RBPMS: variants seen among roughly 807,000 people sequenced by gnomAD.
RBPMS encodes the protein RNA binding protein, mRNA processing factor.
Under a neutral mutation model 26.8 loss-of-function variants are expected in RBPMS, and 7 were observed. The ratio of observed to expected loss-of-function variants is 0.26; its 90% CI spans 0.15 to 0.49. The LOEUF is 0.49. Among genes scored for constraint, RBPMS ranks in the 20% least tolerant of loss-of-function variants. The pLI, the probability that RBPMS is intolerant of heterozygous loss-of-function variation, is 0.98. For synonymous variants in RBPMS, 96 were observed against 93.3 expected (o/e 1.03, Z -0.17); for missense variants, 186 against 250.0 (o/e 0.74, Z 1.73).
chr8:30,513,481 C>T (rs543550945), intron 5 of RBPMS, among the ~76,000 whole-genome samples: 11 of 148,634 alleles, frequency 7.4e-5, no homozygotes, highest in Non-Finnish European at 1.2e-4. Context: ...CCCAGCTACT[C>T]GGGAGGCTGA....
intron 4 of RBPMS, 28 bp downstream of exon 4, chr8:30,479,405 G>T (rs924850063): frequency 6.5e-6 from 10 of 1,526,722 alleles, no homozygotes; most frequent in Non-Finnish European, 8.1e-6. Context: ...AATTGTAGGG[G>T]GTTTCCATAT....
chr8:30,536,044 A>G (rs190592018), intron 5 of RBPMS, among the ~76,000 whole-genome samples: 1 of 152,066 alleles, frequency 6.6e-6, no homozygotes, highest in African/African-American at 2.4e-5. Context: ...GCGCTATGCT[A>G]GGTACTGGAG....
rs533160609 is a variant in RBPMS at position 30,478,720 on chromosome 8, G to A, written c.184-595G>A. Among the ~76,000 whole-genome samples, 262 of 152,226 alleles carry A rather than the reference G, an allele frequency of 1.7e-3. 1 individual carries two copies. The highest frequency in any genetic ancestry group is 2.4e-3 in the Non-Finnish European group (165 of 67,998). On this transcript the variant is annotated intron_variant, in intron 3 of 8. Coordinates refer to ENST00000397323, the MANE Select transcript of RBPMS (RefSeq NM_001008710.3). ...TCACCATGTTGGCCAGGATGGTCTT[G>A]ATCTCTTGACCTCGTGATCCGCCCA...
chr8:30,456,631 T>C lies in RBPMS; in HGVS notation c.67-18148T>C, dbSNP rs553379747. On this transcript the variant is annotated intron_variant, in intron 1 of 8. Coordinates refer to ENST00000397323, the MANE Select transcript of RBPMS (RefSeq NM_001008710.3). The stretch of plus-strand genomic sequence containing the variant: ...TTCACTGGGATCGGAACAAATTACC[T>C]GTAATTAACAATAGCTTAGATGTGG... Among the ~76,000 whole-genome samples the C allele has an allele frequency of 5.9e-4, 90 of 152,256 alleles. 1 individual carries two copies. Among genetic ancestry groups the C allele is most frequent in the Non-Finnish European group, 1.0e-3 (71 of 67,964 alleles).
At chr8:30,434,226 A>C (rs1812216475) in intron 1 of RBPMS, among the ~76,000 whole-genome samples, 1 of 152,184 alleles carries the variant, frequency 6.6e-6, no homozygotes, top group African/African-American at 2.4e-5. Context: ...GTCTCTAAGC[A>C]ACCTTCAAAC....
In RBPMS at chr8:30,447,724, T is replaced by C. The variant is rs565163769; in HGVS notation, c.67-27055T>C. 2.1e-4 allele frequency among the ~76,000 whole-genome samples: 32 copies of C among 152,334 alleles called. 1 individual carries two copies. The South Asian group carries it at 6.4e-3, about 31-fold the overall frequency. ...TTCAACTTTCATTGAAATAAATATT[T>C]TCAGAACTTTATTGTGTCTATACAA... On this transcript the variant is annotated intron_variant, in intron 1 of 8. Transcript: ENST00000397323.
intron 5 of RBPMS, among the ~76,000 whole-genome samples, chr8:30,518,003 G>A (rs576871478): frequency 1.1e-4 from 17 of 152,292 alleles, no homozygotes; most frequent in African/African-American, 4.1e-4. Context: ...AGCAGCACTG[G>A]GCAGGGATAT....
At chr8:30,417,367 CAGATA>C (rs1366011599) in intron 1 of RBPMS, among the ~76,000 whole-genome samples, 10 of 152,268 alleles carry the variant, frequency 6.6e-5, no homozygotes, top group African/African-American at 2.2e-4. Flanking sequence ...TACTTAGTCC[CAGATA>C]ACTGATTATC....
intron 5 of RBPMS, among the ~76,000 whole-genome samples, chr8:30,539,740 C>G (rs1485851572): frequency 6.6e-6 from 1 of 151,932 alleles, no homozygotes; most frequent in Non-Finnish European, 1.5e-5. Context: ...ATTCTTGTGC[C>G]TCAGCCTCCC....
At chr8:30,413,812 C>G (rs1809734508) in intron 1 of RBPMS, among the ~76,000 whole-genome samples, 1 of 152,102 alleles carries the variant, frequency 6.6e-6, no homozygotes, top group South Asian at 2.1e-4. Context: ...TGGGTTTCAT[C>G]ATGTTGGCCA....
chr8:30,472,227 A>G (rs538609261), intron 1 of RBPMS, among the ~76,000 whole-genome samples: 1 of 152,358 alleles, frequency 6.6e-6, no homozygotes, highest in East Asian at 1.9e-4. Flanking sequence ...ATAAAAAGGA[A>G]TAGACTGTTG....
At chr8:30,456,112 T>C (rs1227578820) in intron 1 of RBPMS, among the ~76,000 whole-genome samples, 1 of 152,162 alleles carries the variant, frequency 6.6e-6, no homozygotes, top group Non-Finnish European at 1.5e-5. Flanking sequence ...GTGTGTGTTT[T>C]TTAATGCATT....
At chr8:30,395,276 G>A (rs1029841932) in intron 1 of RBPMS, among the ~76,000 whole-genome samples, 2 of 15,790 alleles carry the variant, frequency 1.3e-4, no homozygotes, top group African/African-American at 9.6e-4. Context: ...TTCGAGACCA[G>A]CCTGAGCAAC....
At chr8:30,521,437 T>C (rs549519441) in intron 5 of RBPMS, among the ~76,000 whole-genome samples, 1 of 152,204 alleles carries the variant, frequency 6.6e-6, no homozygotes, top group Non-Finnish European at 1.5e-5. Flanking sequence ...TTGAATTTAG[T>C]TGACTTTTTC....
intron 6 of RBPMS, among the ~76,000 whole-genome samples, chr8:30,549,040 C>T (rs1826082954): frequency 6.6e-6 from 1 of 152,218 alleles, no homozygotes; most frequent in Non-Finnish European, 1.5e-5. Context: ...TGTGGATCCC[C>T]TCCAGGCGCA....
intron 6 of RBPMS, among the ~76,000 whole-genome samples, chr8:30,554,498 C>A (rs1445018916): frequency 6.6e-6 from 1 of 152,162 alleles, no homozygotes; most frequent in African/African-American, 2.4e-5. Context: ...CTGAAGGGAC[C>A]AAATTGTGCA....
At chr8:30,423,954 C>T (rs747182252) in intron 1 of RBPMS, among the ~76,000 whole-genome samples, 15 of 152,112 alleles carry the variant, frequency 9.9e-5, no homozygotes, top group Non-Finnish European at 1.9e-4. Flanking sequence ...TCTCTTGCCT[C>T]AGCCTTCTAA....
intron 5 of RBPMS, among the ~76,000 whole-genome samples, chr8:30,531,040 C>G (rs566852713): frequency 6.6e-6 from 1 of 151,808 alleles, no homozygotes; most frequent in South Asian, 2.1e-4. Context: ...ATAGACAGGT[C>G]TTTTACGTTA....
chr8:30,461,626 A>C (rs528779932), intron 1 of RBPMS, among the ~76,000 whole-genome samples: 193 of 152,228 alleles, frequency 1.3e-3, no homozygotes, highest in African/African-American at 4.4e-3. Context: ...TGATCTCCTG[A>C]CCTCGTGTTC....
Sources: gnomAD v4.1 joint callset for allele counts (sites outside exome capture counted in the v4.1 genomes callset) on GRCh38, gnomAD v4.1.1 for gene constraint, MANE v1.5 for transcripts, NCBI Gene and HGNC (gene_info 2026-07-23, HGNC 2026-07-21) for gene names.